The following COL22A1 variants were observed in gnomAD, a reference collection of about 807,000 sequenced individuals.
COL22A1 encodes collagen alpha-1(XXII) chain.
Under a neutral mutation model 248.9 loss-of-function variants are expected in COL22A1, and 221 were observed. The ratio of observed to expected loss-of-function variants is 0.89; its 90% CI spans 0.80 to 0.99. COL22A1 has a LOEUF of 0.99. Ranked by LOEUF, COL22A1 falls within the 50% of genes least tolerant of loss-of-function variation. The probability of loss-of-function intolerance (pLI) is 0.00; values close to 1 mark genes in which losing one functional copy is unlikely to be tolerated. For synonymous variants in COL22A1, 891 were observed against 793.4 expected (o/e 1.12, Z -2.07); for missense variants, 2,240 against 2,179.0 (o/e 1.03, Z -0.56).
intron 46 of COL22A1, among the ~76,000 whole-genome samples, chr8:138,647,756 A>G (rs927275359): frequency 3.7e-4 from 57 of 152,194 alleles, no homozygotes; most frequent in Non-Finnish European, 5.9e-5. Flanking sequence ...TCTGAACATC[A>G]GAATCACTGT....
chr8:138,828,638 C>A (rs184976785), intron 5 of COL22A1, among the ~76,000 whole-genome samples: 2 of 151,652 alleles, frequency 1.3e-5, no homozygotes, highest in African/African-American at 2.4e-5. Context: ...TTCTTCCTCA[C>A]GAGAATCTAT....
chr8:138,890,295 T>C (rs545458053), intron 1 of COL22A1, among the ~76,000 whole-genome samples: 47 of 152,292 alleles, frequency 3.1e-4, no homozygotes, highest in Admixed American at 3.1e-3. Context: ...GGTGAAAGAC[T>C]GAAAGTTTTT....
At chr8:138,856,143 G>C (rs928127289) in intron 3 of COL22A1, among the ~76,000 whole-genome samples, 3 of 152,208 alleles carry the variant, frequency 2.0e-5, no homozygotes, top group African/African-American at 7.2e-5. Context: ...GAAATGAGGA[G>C]GGCATGGCAA....
At chr8:138,750,212 C>T (rs1447405076) in intron 22 of COL22A1, among the ~76,000 whole-genome samples, 2 of 152,134 alleles carry the variant, frequency 1.3e-5, no homozygotes, top group African/African-American at 4.8e-5. Context: ...TTGTAAATTG[C>T]CCAGTCTCGG....
chr8:138,699,740 A>G (rs1282569890), intron 32 of COL22A1, among the ~76,000 whole-genome samples: 3 of 152,166 alleles, frequency 2.0e-5, no homozygotes, highest in African/African-American at 7.2e-5. Context: ...GCCAGCATCC[A>G]TGGGGAACAT....
intron 16 of COL22A1, among the ~76,000 whole-genome samples, chr8:138,772,966 G>A (rs1834511072): frequency 6.6e-6 from 1 of 152,230 alleles, no homozygotes; most frequent in Non-Finnish European, 1.5e-5. Flanking sequence ...AGTGCTGGGA[G>A]GCGTCTCTGC....
intron 31 of COL22A1, among the ~76,000 whole-genome samples, chr8:138,702,910 C>T (rs568881228): frequency 6.6e-6 from 1 of 152,278 alleles, no homozygotes; most frequent in African/African-American, 2.4e-5. Flanking sequence ...CTTACTGATA[C>T]TCAATACCAA....
intron 50 of COL22A1, among the ~76,000 whole-genome samples, chr8:138,628,758 ATCTTTTTTTT>A (rs776606112): frequency 2.8e-5 from 2 of 70,464 alleles, no homozygotes; most frequent in East Asian, 9.2e-4. Flanking sequence ...CTAGATCCAC[ATCTTTTTTTT>A]TTTTTTTTTT....
At chr8:138,824,039 A>G (rs1819378405) in intron 6 of COL22A1, among the ~76,000 whole-genome samples, 1 of 152,232 alleles carries the variant, frequency 6.6e-6, no homozygotes, top group Non-Finnish European at 1.5e-5. Context: ...ACCAAGGAAG[A>G]CTGGGATTTA....
At chr8:138,601,323 C>T (rs550815747) in intron 60 of COL22A1, among the ~76,000 whole-genome samples, 1 of 152,124 alleles carries the variant, frequency 6.6e-6, no homozygotes, top group Non-Finnish European at 1.5e-5. Flanking sequence ...ACTCTGCCCC[C>T]ACTTTTCTCA....
chr8:138,802,868 T>A lies in COL22A1; in HGVS notation c.1557+4A>T. 6.2e-7 allele frequency: 1 copy of A among 1,612,548 alleles called. No individual in the cohort carries two copies. The highest frequency in any genetic ancestry group is 8.5e-7 in the Non-Finnish European group (1 of 1,178,606). On this transcript the variant is annotated splice_donor_region_variant and intron_variant, in intron 11 of 64. Transcript: ENST00000303045. ...GCCATGTAGAGGAGCAGCCATCTAC[T>A]CACCACATCACCTTTCTCTCCCTTA...
chr8:138,628,760 CTTTTTTTTTTT>C (rs56318714), intron 50 of COL22A1, among the ~76,000 whole-genome samples: 170 of 124,178 alleles, frequency 1.4e-3, no homozygotes, highest in Middle Eastern at 3.7e-3. Flanking sequence ...AGATCCACAT[CTTTTTTTTTTT>C]TTTTTTTTTT....
chr8:138,635,239 C>T (rs975953779), intron 48 of COL22A1, among the ~76,000 whole-genome samples, 176 bp from the exon 49 acceptor site: 3 of 152,116 alleles, frequency 2.0e-5, no homozygotes, highest in African/African-American at 7.2e-5. Context: ...TAATAACTGA[C>T]AACATTTATA....
chr8:138,745,920 A>C (rs1018349195), intron 22 of COL22A1, among the ~76,000 whole-genome samples: 1 of 152,228 alleles, frequency 6.6e-6, no homozygotes, highest in South Asian at 2.1e-4. Context: ...GACAACAGGC[A>C]GGAAATTAAA....
intron 3 of COL22A1, among the ~76,000 whole-genome samples, chr8:138,876,106 C>A (rs1823696435): frequency 6.6e-6 from 1 of 152,194 alleles, no homozygotes; most frequent in Admixed American, 6.5e-5. Flanking sequence ...CCTTAGCACA[C>A]AAGGCCCCCC....
chr8:138,647,738 T>A (rs373878972), intron 46 of COL22A1, among the ~76,000 whole-genome samples: 1 of 152,182 alleles, frequency 6.6e-6, no homozygotes, highest in African/African-American at 2.4e-5. Context: ...TGTGGAACAT[T>A]GAGTGGTTCT....
At chr8:138,836,309 G>GGGAAAA (rs1053909004) in intron 4 of COL22A1, among the ~76,000 whole-genome samples, 13 of 151,900 alleles carry the variant, frequency 8.6e-5, no homozygotes, top group Non-Finnish European at 1.2e-4. Flanking sequence ...GAAAGGGAAA[G>GGGAAAA]GGAAAAGGAA....
intron 3 of COL22A1, among the ~76,000 whole-genome samples, chr8:138,854,323 C>A (rs1224322941): frequency 6.6e-6 from 1 of 152,190 alleles, no homozygotes; most frequent in African/African-American, 2.4e-5. Context: ...ACAGAAAGGA[C>A]AAGAGGACAA....
At chr8:138,805,958 G>T (rs962221989) in intron 10 of COL22A1, among the ~76,000 whole-genome samples, 1 of 140,874 alleles carries the variant, frequency 7.1e-6, no homozygotes, top group Non-Finnish European at 1.5e-5. Context: ...ATATTATGGT[G>T]TGTATGTGTG....
Sources: gnomAD v4.1 joint callset for allele counts (sites outside exome capture counted in the v4.1 genomes callset) on GRCh38, gnomAD v4.1.1 for gene constraint, MANE v1.5 for transcripts, NCBI Gene and HGNC (gene_info 2026-07-23, HGNC 2026-07-21) for gene names.